Variants in HELZ observed in about 807,000 individuals in gnomAD.
The protein encoded by HELZ is ATP-dependent RNA helicase with zinc finger domain.
A neutral mutation model predicts 218.2 loss-of-function variants in HELZ; 23 were observed. The observed-to-expected ratio is 0.11, with a 90% CI of 0.08 to 0.15. The LOEUF is 0.15. Among genes scored for constraint, HELZ ranks in the 10% least tolerant of loss-of-function variants. The pLI is 1.00. For synonymous variants in HELZ, 814 were observed against 829.4 expected (o/e 0.98, Z 0.32); for missense variants, 1,813 against 2,353.7 (o/e 0.77, Z 4.75).
At chr17:67,134,094 G>A (rs1280180751) in intron 23 of HELZ, among the ~76,000 whole-genome samples, 1 of 152,016 alleles carries the variant, frequency 6.6e-6, no homozygotes, top group Non-Finnish European at 1.5e-5. Context: ...CAGAATTAAG[G>A]TATTCTCGAC....
intron 3 of HELZ, among the ~76,000 whole-genome samples, chr17:67,226,190 C>T (rs2040884283): frequency 6.8e-6 from 1 of 146,204 alleles, no homozygotes; most frequent in Admixed American, 7.1e-5. Flanking sequence ...ACACAGGAGG[C>T]GGAGGTTGCA....
chr17:67,086,355 C>T (rs1171486570), intron 32 of HELZ, among the ~76,000 whole-genome samples: 1 of 151,666 alleles, frequency 6.6e-6, no homozygotes, highest in Non-Finnish European at 1.5e-5. Context: ...GAGGTCGAGG[C>T]GGGTCGATCA....
chr17:67,109,624 G>A lies in HELZ; in HGVS notation c.3981C>T (p.Pro1327=). 1 of 1,614,092 alleles carries A rather than the reference G, an allele frequency of 6.2e-7. No individual in the cohort carries two copies. The highest frequency in any genetic ancestry group is 8.5e-7 in the Non-Finnish European group (1 of 1,180,006). Residue 1327 remains proline, a synonymous_variant, in exon 29 of 33, where the codon CCC becomes CCT. Transcript: ENST00000358691. ...TATCTTTGCGAGGAAATTTGGTACT[G>A]GGATAAACAACACTAGGACGTGATT... The part of the protein sequence containing the change: ...SPESRPSVVY[P]STKFPRKDNL...
chr17:67,091,493 C>T (rs1567792118), intron 31 of HELZ, among the ~76,000 whole-genome samples: 1 of 151,948 alleles, frequency 6.6e-6, no homozygotes, highest in Non-Finnish European at 1.5e-5. Flanking sequence ...ATCATTTTGC[C>T]ATTCTAATGA....
Position 67,151,979 on chromosome 17 carries a change from A to T in HELZ, c.2178-755T>A, listed in dbSNP as rs551354177. On this transcript the variant is annotated intron_variant, in intron 17 of 32. Transcript: ENST00000358691. ...GGCAGATCACATAGGGCTTGTGAGC[A>T]ATCCTTGGGTTTACTCTGAGTTTGA... 2.0e-5 allele frequency among the ~76,000 whole-genome samples: 3 copies of T among 152,318 alleles called. No homozygotes were observed. The South Asian group carries it at 6.2e-4, about 32-fold the overall frequency.
At chr17:67,098,123 TG>T (rs1381285077) in intron 31 of HELZ, among the ~76,000 whole-genome samples, 3 of 152,222 alleles carry the variant, frequency 2.0e-5, no homozygotes, top group African/African-American at 7.2e-5. Context: ...AACATAATTT[TG>T]CTTTTCCCCC....
At chr17:67,205,218 C>T (rs1047361536) in intron 5 of HELZ, among the ~76,000 whole-genome samples, 1 of 151,572 alleles carries the variant, frequency 6.6e-6, no homozygotes, top group Non-Finnish European at 1.5e-5. Flanking sequence ...CCCAGCTACT[C>T]GGGAGGCTGA....
chr17:67,210,990 G>A (rs746689713), intron 5 of HELZ, among the ~76,000 whole-genome samples: 3 of 152,104 alleles, frequency 2.0e-5, no homozygotes, highest in Non-Finnish European at 4.4e-5. Flanking sequence ...CAAAGTTTTT[G>A]TGTTATGCCA....
chr17:67,086,637 T>TATAA (rs1567787920), intron 32 of HELZ, among the ~76,000 whole-genome samples, 192 bp downstream of exon 32: 19 of 72,230 alleles, frequency 2.6e-4, no homozygotes, highest in African/African-American at 1.3e-3. Flanking sequence ...TATAAATATA[T>TATAA]ATATATATAT....
At chr17:67,092,252 G>A (rs1193482226) in intron 31 of HELZ, among the ~76,000 whole-genome samples, 1 of 152,060 alleles carries the variant, frequency 6.6e-6, no homozygotes, top group African/African-American at 2.4e-5. Flanking sequence ...CATGAGCCTC[G>A]TCATCAATAG....
At chr17:67,236,025 G>A (rs2041175310) in intron 3 of HELZ, among the ~76,000 whole-genome samples, 2 of 151,982 alleles carry the variant, frequency 1.3e-5, no homozygotes, top group African/African-American at 4.8e-5. Context: ...CTCCCAAAGT[G>A]CTGGGATTAC....
rs2036080939 is a variant in HELZ, at chr17:67,078,395, A to C, written c.5686T>G (p.Tyr1896Asp). The change falls in exon 33 of 33, where the codon TAT becomes GAT. Residue 1896 changes from tyrosine (Y) to aspartate (D), a missense_variant. Physicochemically the swap from Tyr to Asp is radical, Grantham distance 160. Transcript: ENST00000358691. ...GGAGGGGCCCGCAGAGCGCTGGCAT[A>C]GGACATGGCGGGCTTGCCCCCCGCA... ...SSAGGKPAMS[Y>D]ASALRAPPKP... The C allele has an allele frequency of 6.2e-7, 1 of 1,603,904 alleles. No homozygotes were observed. The highest frequency in any genetic ancestry group is 1.8e-5 in the Admixed American group (1 of 56,906).
intron 13 of HELZ, chr17:67,176,778 G>A (rs1362326538): frequency 6.6e-6 from 1 of 152,216 alleles, no homozygotes; most frequent in Non-Finnish European, 1.5e-5. Context: ...GGAGGTTGAG[G>A]CTGCAGTGAG....
chr17:67,213,283 G>A (rs533326702), intron 5 of HELZ, among the ~76,000 whole-genome samples: 4 of 152,234 alleles, frequency 2.6e-5, no homozygotes, highest in South Asian at 4.1e-4. Context: ...GGGCAGTCTC[G>A]TATATTGCTG....
rs769614138 is a variant in HELZ at position 67,194,055 on chromosome 17, T to C, written c.482-13A>G. Reference sequence around the variant, plus strand: ...CCATTACAAGACCCTAGGGAGTAATTAGGATATAGTCTTATCATTTGAGGC... The same window carrying C: ...CCATTACAAGACCCTAGGGAGTAATCAGGATATAGTCTTATCATTTGAGGC... On this transcript the variant is annotated splice_polypyrimidine_tract_variant and intron_variant, in intron 8 of 32. Transcript: ENST00000358691. 3.0e-5 allele frequency: 48 copies of C among 1,584,444 alleles called. No individual in the cohort carries two copies. The South Asian group carries it at 5.0e-4, about 17-fold the overall frequency.
intron 23 of HELZ, among the ~76,000 whole-genome samples, chr17:67,134,446 C>T (rs1485080982): frequency 6.6e-6 from 1 of 151,372 alleles, no homozygotes; most frequent in East Asian, 1.9e-4. Context: ...AAATGCATGG[C>T]AATATATTTT....
At chr17:67,119,452 G>A (rs1361342994) in intron 27 of HELZ, among the ~76,000 whole-genome samples, 1 of 152,124 alleles carries the variant, frequency 6.6e-6, no homozygotes, top group Non-Finnish European at 1.5e-5. Context: ...TCAGATCAGT[G>A]GTTGCTCAGG....
Position 67,204,509 on chromosome 17 carries a change from TTTATC to T in HELZ, c.248-1071_248-1067del, listed in dbSNP as rs879601280. On this transcript the variant is annotated intron_variant, in intron 5 of 32. Coordinates refer to ENST00000358691, the MANE Select transcript of HELZ (RefSeq NM_014877.4). Reference sequence around the variant, plus strand: ...TTTCCATGTGATCAGAGTGCTTATATTTATCTTATTATTGGCTATATAATGTTCTA... The same window carrying T: ...TTTCCATGTGATCAGAGTGCTTATATTTATTATTGGCTATATAATGTTCTA... Among the ~76,000 whole-genome samples the T allele has an allele frequency of 4.8e-4, 73 of 152,308 alleles. 1 individual carries two copies. Among genetic ancestry groups the T allele is most frequent in the Non-Finnish European group, 4.4e-5 (3 of 68,018 alleles).
At chr17:67,164,626 T>A (rs140511527) in intron 15 of HELZ, among the ~76,000 whole-genome samples, 1 of 150,542 alleles carries the variant, frequency 6.6e-6, no homozygotes, top group African/African-American at 2.5e-5. Context: ...AAAAACTTTT[T>A]AAAAAGAATA....
Sources: allele counts gnomAD v4.1 joint callset (sites outside exome capture counted in the v4.1 genomes callset), GRCh38; gene constraint gnomAD v4.1.1; transcripts MANE v1.5; gene names NCBI Gene and HGNC (gene_info 2026-07-23, HGNC 2026-07-21).